The following TRPM3 variants were observed in gnomAD, a reference collection of about 807,000 sequenced individuals.
TRPM3 encodes transient receptor potential cation channel subfamily M member 3.
Under a neutral mutation model 181.2 loss-of-function variants are expected in TRPM3, and 77 were observed. The ratio of observed to expected loss-of-function variants is 0.42; its 90% confidence interval spans 0.35 to 0.51. The LOEUF (loss-of-function observed/expected upper bound fraction) is 0.51, where lower values mean the gene tolerates loss of function less well. Among genes scored for constraint, TRPM3 ranks in the 20% least tolerant of loss-of-function variants. The pLI is 0.01. For missense variants in TRPM3, 1,759 were observed against 2,196.7 expected, an observed-to-expected ratio of 0.80 and a Z score of 3.98; for synonymous variants, 745 against 796.4, an observed-to-expected ratio of 0.94 and a Z score of 1.09.
At chr9:71,236,728 T>A (rs1280353770) in intron 1 of TRPM3, among the ~76,000 whole-genome samples, 1 of 152,124 alleles carries the variant, frequency 6.6e-6, no homozygotes, top group East Asian at 1.9e-4. Context: ...CCTATACATA[T>A]GCAGGACACA....
rs935967374 is a variant in TRPM3, at chr9:71,324,871, A to G, written c.183+121782T>C. Among the ~76,000 whole-genome samples, 4 of 152,294 alleles carry G rather than the reference A, an allele frequency of 2.6e-5. No homozygotes were observed. In the East Asian group the frequency reaches 7.7e-4, roughly 29 times the overall value. On this transcript the variant is annotated intron_variant, in intron 1 of 24. Coordinates refer to the TRPM3 transcript ENST00000357533. ...AAGTGAAACAAATATTGCAGTTCTCACATGTGTAAGCTAAAAAATTTGAAT... is the reference window on the plus strand; with the variant it reads ...AAGTGAAACAAATATTGCAGTTCTCGCATGTGTAAGCTAAAAAATTTGAAT...
At chr9:71,350,259 T>C (rs933094954) in intron 1 of TRPM3, among the ~76,000 whole-genome samples, 1 of 152,168 alleles carries the variant, frequency 6.6e-6, no homozygotes, top group Non-Finnish European at 1.5e-5. Flanking sequence ...GTATTTCATG[T>C]CAAGTACTAG....
chr9:70,579,778 T>C (rs2055132378), intron 22 of TRPM3, among the ~76,000 whole-genome samples: 1 of 152,216 alleles, frequency 6.6e-6, no homozygotes, highest in Non-Finnish European at 1.5e-5. Context: ...AAACTGGGCA[T>C]CTGCCAGGAC....
intron 1 of TRPM3, among the ~76,000 whole-genome samples, chr9:71,444,458 G>A (rs1344718975): frequency 6.6e-6 from 1 of 151,660 alleles, no homozygotes; most frequent in East Asian, 1.9e-4. Flanking sequence ...TCTTTGTCAG[G>A]ATGGATACCA....
intron 1 of TRPM3, among the ~76,000 whole-genome samples, chr9:70,986,010 T>C (rs987376172): frequency 6.6e-6 from 1 of 152,294 alleles, no homozygotes; most frequent in East Asian, 1.9e-4. Flanking sequence ...CAGGAAAATA[T>C]ACTTTGTGGG....
intron 1 of TRPM3, among the ~76,000 whole-genome samples, chr9:71,204,989 C>T (rs1226520452): frequency 6.6e-6 from 1 of 152,042 alleles, no homozygotes; most frequent in East Asian, 1.9e-4. Flanking sequence ...GGCATGTTCT[C>T]ACTCATAGAT....
intron 1 of TRPM3, among the ~76,000 whole-genome samples, chr9:70,916,401 G>T (rs776281949): frequency 2.0e-5 from 3 of 152,134 alleles, no homozygotes; most frequent in Non-Finnish European, 4.4e-5. Context: ...AAGACTAAAT[G>T]ATGAATCAAT....
intron 20 of TRPM3, among the ~76,000 whole-genome samples, chr9:70,601,445 G>A (rs1320264161): frequency 2.0e-5 from 3 of 152,134 alleles, no homozygotes; most frequent in Non-Finnish European, 4.4e-5. Flanking sequence ...CTGAGCCCTG[G>A]AGGTCCTGCG....
chr9:71,351,885 T>G (rs1397646504), intron 1 of TRPM3, among the ~76,000 whole-genome samples: 1 of 148,582 alleles, frequency 6.7e-6, no homozygotes, highest in African/African-American at 2.5e-5. Context: ...TGTTTTTTTT[T>G]TTTTTTTTGA....
chr9:71,005,805 A>T (rs1019989671), intron 1 of TRPM3, among the ~76,000 whole-genome samples: 6 of 152,220 alleles, frequency 3.9e-5, no homozygotes, highest in Non-Finnish European at 7.3e-5. Flanking sequence ...AGAGGATACA[A>T]ATGGGTAACA....
At chr9:71,314,605 C>A (rs1383399948) in intron 1 of TRPM3, among the ~76,000 whole-genome samples, 1 of 152,004 alleles carries the variant, frequency 6.6e-6, no homozygotes, top group Non-Finnish European at 1.5e-5. Flanking sequence ...AACTATGGCC[C>A]CCACCTCATT....
At chr9:70,623,549 A>G (rs1203162476) in intron 14 of TRPM3, among the ~76,000 whole-genome samples, 1 of 152,168 alleles carries the variant, frequency 6.6e-6, no homozygotes, top group Admixed American at 6.5e-5. Flanking sequence ...TAATGGTGCA[A>G]AAGCAGTGGT....
intron 1 of TRPM3, among the ~76,000 whole-genome samples, chr9:71,034,156 C>T (rs1269369954): frequency 2.0e-5 from 3 of 152,074 alleles, no homozygotes; most frequent in Non-Finnish European, 4.4e-5. Context: ...ATTTGAAGAC[C>T]TACTGTACTT....
At chr9:71,188,392 T>C (rs934646257) in intron 1 of TRPM3, among the ~76,000 whole-genome samples, 14 of 151,900 alleles carry the variant, frequency 9.2e-5, no homozygotes, top group Non-Finnish European at 2.1e-4. Context: ...TTGCCATCCA[T>C]AGGCAGACCA....
chr9:71,382,039 C>T (rs1359042027), intron 1 of TRPM3, among the ~76,000 whole-genome samples: 2 of 152,050 alleles, frequency 1.3e-5, no homozygotes, highest in Admixed American at 6.6e-5. Flanking sequence ...TAAATGCATG[C>T]ATGTCATTAA....
chr9:70,931,749 T>G (rs2133418067), intron 1 of TRPM3, among the ~76,000 whole-genome samples: 1 of 152,290 alleles, frequency 6.6e-6, no homozygotes, highest in South Asian at 2.1e-4. Context: ...AAATCAAAGT[T>G]TATAATCAAT....
intron 1 of TRPM3, among the ~76,000 whole-genome samples, chr9:70,915,362 A>G (rs62543175): frequency 0.21 from 32,488 of 151,808 alleles, 3,744 homozygotes; most frequent in East Asian, 0.4. Flanking sequence ...CACTGGCCCA[A>G]TCTCGGCTCA....
At chr9:71,211,393 C>T (rs879442560) in intron 1 of TRPM3, among the ~76,000 whole-genome samples, 12 of 148,520 alleles carry the variant, frequency 8.1e-5, no homozygotes, top group Non-Finnish European at 1.5e-4. Context: ...AGAGTAGTAA[C>T]TTTCTCCATG....
At chr9:71,272,029 G>A (rs1422694013) in intron 1 of TRPM3, among the ~76,000 whole-genome samples, 1 of 152,092 alleles carries the variant, frequency 6.6e-6, no homozygotes, top group Admixed American at 6.6e-5. Flanking sequence ...TTTGGTTAAC[G>A]GAGGGGGTAT....
Sources: gnomAD v4.1 joint callset for allele counts (sites outside exome capture counted in the v4.1 genomes callset) on GRCh38, gnomAD v4.1.1 for gene constraint, MANE v1.5 for transcripts, NCBI Gene and HGNC (gene_info 2026-07-23, HGNC 2026-07-21) for gene names.